Variants in LRRC49 observed in about 807,000 individuals in gnomAD.
The protein encoded by LRRC49 is leucine-rich repeat-containing protein 49.
A neutral mutation model predicts 83.3 loss-of-function variants in LRRC49; 50 were observed. That is an observed-to-expected ratio of 0.60 (90% CI 0.48 to 0.76). LRRC49 has a LOEUF of 0.76. Among genes scored for constraint, LRRC49 ranks in the 30% least tolerant of loss-of-function variants. The pLI is 0.00. For synonymous variants in LRRC49, 286 were observed against 283.3 expected, an observed-to-expected ratio of 1.01 and a Z score of -0.10; for missense variants, 704 against 809.1, an observed-to-expected ratio of 0.87 and a Z score of 1.58.
At chr15:70,997,603 TAGCCA>T (rs1476249149) in intron 11 of LRRC49, among the ~76,000 whole-genome samples, 1 of 152,114 alleles carries the variant, frequency 6.6e-6, no homozygotes, top group African/African-American at 2.4e-5. Context: ...ATATGAAAAT[TAGCCA>T]AGCGTGGTGG....
At chr15:70,991,450 T>C (rs894128) in intron 11 of LRRC49, among the ~76,000 whole-genome samples, 146,575 of 152,302 alleles carry the variant, frequency 0.96, 70,675 homozygotes, top group East Asian at 1. Context: ...ATAACCTATA[T>C]TCTTCCTGCC....
intron 7 of LRRC49, 132 bp downstream of exon 7, chr15:70,919,325 A>G: frequency 1.3e-6 from 1 of 796,340 alleles, no homozygotes. Flanking sequence ...TAAATTGTGG[A>G]TGTAATTATT....
At chr15:71,047,054 G>GT (rs1418193749) in intron 15 of LRRC49, among the ~76,000 whole-genome samples, 1 of 152,244 alleles carries the variant, frequency 6.6e-6, no homozygotes, top group African/African-American at 2.4e-5. Flanking sequence ...CGATGTATCT[G>GT]TTTTTTACCA....
chr15:70,936,403 T>C (rs551383955), intron 7 of LRRC49: 1 of 184,052 alleles, frequency 5.4e-6, no homozygotes, highest in South Asian at 1.9e-4. Context: ...GGCTTCTTTT[T>C]AACAGTGATT....
chr15:70,888,659 CATT>C (rs796973165), upstream of LRRC49, among the ~76,000 whole-genome samples: 14 of 152,142 alleles, frequency 9.2e-5, no homozygotes, highest in African/African-American at 3.4e-4. Flanking sequence ...CATCAAAAGA[CATT>C]ATTAAGAACC....
chr15:70,859,479 C>T (rs912448384), intron 1 of LRRC49: 82 of 697,052 alleles, frequency 1.2e-4, no homozygotes, highest in Non-Finnish European at 1.7e-4. Flanking sequence ...TTCCTGGACA[C>T]GGTCAGCATC....
chr15:70,889,764 C>A (rs973851931), upstream of LRRC49, among the ~76,000 whole-genome samples: 1 of 152,108 alleles, frequency 6.6e-6, no homozygotes, highest in Admixed American at 6.6e-5. Context: ...AATAGCTCTT[C>A]AATAAATGTT....
In LRRC49 at chr15:70,982,532, G is replaced by A. The variant is rs369881493; in HGVS notation, c.1006-1562G>A. 5.9e-5 allele frequency among the ~76,000 whole-genome samples: 9 copies of A among 152,144 alleles called. No individual in the cohort carries two copies. In the East Asian group the frequency reaches 1.2e-3, roughly 20 times the overall value. Reference sequence around the variant, plus strand: ...CATAGAATGTCAGAAAGTCTCCAAAGTATATACATATTAAATATAACCCAC... The same window carrying A: ...CATAGAATGTCAGAAAGTCTCCAAAATATATACATATTAAATATAACCCAC... On this transcript the variant is annotated intron_variant, in intron 10 of 15. Transcript: ENST00000260382.
intron 2 of LRRC49, among the ~76,000 whole-genome samples, chr15:70,880,268 C>G (rs1392205636): frequency 6.6e-6 from 1 of 152,200 alleles, no homozygotes; most frequent in East Asian, 1.9e-4. Context: ...AACATCTTCT[C>G]CTACTTTGTC....
chr15:71,019,219 G>A (rs1010240973), intron 14 of LRRC49, among the ~76,000 whole-genome samples: 82 of 152,220 alleles, frequency 5.4e-4, no homozygotes, highest in African/African-American at 2.0e-3. Context: ...GTTGGGGATG[G>A]GGCTGGAGGT....
intron 7 of LRRC49, among the ~76,000 whole-genome samples, chr15:70,932,057 C>T (rs1490664088): frequency 2.0e-5 from 3 of 152,260 alleles, no homozygotes; most frequent in South Asian, 2.1e-4. Context: ...TGCCTTCTTA[C>T]TGGTCTGGTT....
At chr15:70,855,473 A>G (rs1479636084) in intron 1 of LRRC49, among the ~76,000 whole-genome samples, 1 of 152,240 alleles carries the variant, frequency 6.6e-6, no homozygotes, top group African/African-American at 2.4e-5. Context: ...CCACACTGGG[A>G]CCCCAAAACA....
At position 71,009,910 on chromosome 15, in the gene LRRC49, C is replaced by T; in HGVS notation, c.1511C>T (p.Pro504Leu). 1 of 1,612,286 alleles carries T rather than the reference C, an allele frequency of 6.2e-7. No individual in the cohort carries two copies. The highest frequency in any genetic ancestry group is 2.2e-5 in the East Asian group (1 of 44,814). Residue 504 changes from proline to leucine, a missense_variant, in exon 13 of 16, where the codon CCA (proline) becomes CTA (leucine). Pro to Leu is a moderately conservative substitution (Grantham distance 98). Coordinates refer to ENST00000260382, the MANE Select transcript of LRRC49 (RefSeq NM_017691.5). ...DQLTIDPQGNPVVNFTLWKYY... is the reference protein window; with the variant it reads ...DQLTIDPQGNLVVNFTLWKYY... ...TTGACAATTGATCCTCAAGGAAATC[C>T]AGTTGTCAATTTTACACTCTGGAAA... is the stretch of plus-strand genomic sequence containing the variant.
chr15:70,858,292 C>A (rs28645687), intron 1 of LRRC49, among the ~76,000 whole-genome samples: 5 of 152,090 alleles, frequency 3.3e-5, no homozygotes, highest in Non-Finnish European at 7.4e-5. Flanking sequence ...TTCTTTTTTT[C>A]TTTTTCTTTT....
chr15:70,873,107 A>G, exon 2 of LRRC49: 1 of 955,936 alleles, frequency 1.0e-6, no homozygotes. Context: ...CTGGTCTTGA[A>G]TTCCTGACCT....
intron 6 of LRRC49, among the ~76,000 whole-genome samples, chr15:70,916,703 T>G (rs8039387): frequency 0.96 from 146,363 of 152,226 alleles, 70,522 homozygotes; most frequent in East Asian, 1. Context: ...TGGAGCCAGG[T>G]GGACCTGGGG....
At chr15:70,934,414 A>G (rs1158961414) in intron 7 of LRRC49, among the ~76,000 whole-genome samples, 5 of 152,192 alleles carry the variant, frequency 3.3e-5, no homozygotes, top group African/African-American at 1.2e-4. Context: ...AGTTCTGGAA[A>G]GGGTATCTAT....
chr15:71,037,035 T>C (rs1202661103), intron 14 of LRRC49, 144 bp from the exon 15 acceptor site: 2 of 510,506 alleles, frequency 3.9e-6, no homozygotes, highest in East Asian at 7.1e-5. Flanking sequence ...GGTACCAGAC[T>C]GAACTCAAAT....
At chr15:70,864,056 C>T (rs1204303842) in intron 1 of LRRC49, among the ~76,000 whole-genome samples, 1 of 152,104 alleles carries the variant, frequency 6.6e-6, no homozygotes, top group Non-Finnish European at 1.5e-5. Flanking sequence ...GCAGAGGAGG[C>T]TGGGGCAGTA....
Sources: gnomAD v4.1 joint callset for allele counts (sites outside exome capture counted in the v4.1 genomes callset) on GRCh38, gnomAD v4.1.1 for gene constraint, MANE v1.5 for transcripts, NCBI Gene and HGNC (gene_info 2026-07-23, HGNC 2026-07-21) for gene names.